The following VTI1A variants were observed in gnomAD, a reference collection of about 807,000 sequenced individuals.
The protein encoded by VTI1A is vesicle transport through interaction with t-SNAREs 1A.
A neutral mutation model predicts 34.9 loss-of-function variants in VTI1A; 22 were observed. The observed-to-expected ratio is 0.63, with a 90% CI of 0.45 to 0.90. VTI1A has a LOEUF of 0.90. Ranked by LOEUF, VTI1A falls within the 40% of genes least tolerant of loss-of-function variation. The probability of loss-of-function intolerance (pLI) is 0.00; values close to 1 mark genes in which losing one functional copy is unlikely to be tolerated. For synonymous variants in VTI1A, 87 were observed against 97.3 expected, an observed-to-expected ratio of 0.89 and a Z score of 0.62; for missense variants, 268 against 275.6, an observed-to-expected ratio of 0.97 and a Z score of 0.20.
At chr10:112,580,059 G>A (rs951595983) in intron 5 of VTI1A, among the ~76,000 whole-genome samples, 5 of 152,018 alleles carry the variant, frequency 3.3e-5, no homozygotes, top group Middle Eastern at 3.4e-3. Flanking sequence ...TTTTTCTTAC[G>A]TTCAGGCTAG....
chr10:112,526,135 G>C (rs910701168), intron 3 of VTI1A, among the ~76,000 whole-genome samples: 23 of 152,194 alleles, frequency 1.5e-4, no homozygotes, highest in African/African-American at 5.3e-4. Context: ...GTCTGAAATA[G>C]TGACGCTGAA....
chr10:112,661,321 G>A (rs944424144), intron 5 of VTI1A, among the ~76,000 whole-genome samples: 1 of 152,072 alleles, frequency 6.6e-6, no homozygotes, highest in African/African-American at 2.4e-5. Flanking sequence ...TTGCCATGTT[G>A]GCCAGGCTGA....
chr10:112,496,280 G>A (rs1849024069), intron 3 of VTI1A, among the ~76,000 whole-genome samples: 1 of 142,550 alleles, frequency 7.0e-6, no homozygotes, highest in Admixed American at 7.4e-5. Context: ...ATTTACATAT[G>A]AAGGTTGGGC....
chr10:112,747,683 C>A (rs538461176), intron 7 of VTI1A, among the ~76,000 whole-genome samples: 1 of 152,286 alleles, frequency 6.6e-6, no homozygotes, highest in African/African-American at 2.4e-5. Context: ...AGGCTTGATA[C>A]ATGCTTGATT....
In VTI1A at chr10:112,552,681, C is replaced by T. The variant is rs114014683; in HGVS notation, c.427+14351C>T. Among the ~76,000 whole-genome samples, 251 of 151,902 alleles carry T rather than the reference C, an allele frequency of 1.7e-3. 1 individual carries two copies. The highest frequency in any genetic ancestry group is 5.9e-3 in the African/African-American group (244 of 41,468). ...CAAGTATCTTATTGCCTCACTGATA[C>T]TGCCTGCCAGCTGTGAATTTTCTTA... On this transcript the variant is annotated intron_variant, in intron 5 of 7. Transcript: ENST00000393077.
At chr10:112,721,631 C>T (rs1345623106) in intron 7 of VTI1A, among the ~76,000 whole-genome samples, 1 of 152,160 alleles carries the variant, frequency 6.6e-6, no homozygotes, top group Non-Finnish European at 1.5e-5. Flanking sequence ...TCTCTTGGCT[C>T]CCATGTAGTC....
chr10:112,486,512 C>T (rs1848632035), intron 3 of VTI1A, among the ~76,000 whole-genome samples: 1 of 152,104 alleles, frequency 6.6e-6, no homozygotes, highest in East Asian at 1.9e-4. Context: ...TGTTTACTTG[C>T]TCTGTTTCTA....
At chr10:112,527,386 ATCTTT>A in intron 4 of VTI1A, 1 of 379,346 alleles carries the variant, frequency 2.6e-6, no homozygotes, top group South Asian at 7.1e-5. Context: ...TTTTAAAAAA[ATCTTT>A]TCTTCTCTTT....
chr10:112,670,935 A>G (rs901461462), intron 7 of VTI1A, among the ~76,000 whole-genome samples: 1 of 152,236 alleles, frequency 6.6e-6, no homozygotes, highest in Non-Finnish European at 1.5e-5. Context: ...GGATCTTGGT[A>G]TCAGCCAGGA....
intron 7 of VTI1A, among the ~76,000 whole-genome samples, chr10:112,731,189 A>G (rs1284859390): frequency 6.6e-6 from 1 of 152,172 alleles, no homozygotes; most frequent in African/African-American, 2.4e-5. Context: ...GGGAGATAAC[A>G]TGAAGTTAGC....
At chr10:112,493,939 C>G (rs1027711464) in intron 3 of VTI1A, among the ~76,000 whole-genome samples, 1 of 152,102 alleles carries the variant, frequency 6.6e-6, no homozygotes, top group Non-Finnish European at 1.5e-5. Flanking sequence ...GTATCTTTAT[C>G]TGACATTTGC....
chr10:112,754,464 G>A (rs1851212944), intron 7 of VTI1A, among the ~76,000 whole-genome samples: 1 of 152,184 alleles, frequency 6.6e-6, no homozygotes, highest in Non-Finnish European at 1.5e-5. Flanking sequence ...AAAAGTAAAA[G>A]TTCATTGTAG....
chr10:112,853,729 TA>T, the VTI1A span, among the ~76,000 whole-genome samples: 2 of 152,116 alleles, frequency 1.3e-5, no homozygotes, highest in South Asian at 2.1e-4. Flanking sequence ...TCTTTAAAAA[TA>T]AAAACAAAAC....
chr10:112,809,057 T>C (rs540460273), intron 7 of VTI1A, among the ~76,000 whole-genome samples: 17 of 152,314 alleles, frequency 1.1e-4, no homozygotes, highest in Admixed American at 5.2e-4. Flanking sequence ...CTGGGCCATA[T>C]GTCCATCTGT....
intron 7 of VTI1A, among the ~76,000 whole-genome samples, chr10:112,747,500 T>G: frequency 6.6e-6 from 1 of 152,206 alleles, no homozygotes; most frequent in East Asian, 1.9e-4. Flanking sequence ...TATATAAACA[T>G]AGAAAAGTTA....
chr10:112,626,683 T>C (rs1247950227), intron 5 of VTI1A, among the ~76,000 whole-genome samples: 1 of 152,060 alleles, frequency 6.6e-6, no homozygotes, highest in East Asian at 1.9e-4. Flanking sequence ...TGAAGGACCA[T>C]ATGTGTTGGT....
intron 1 of VTI1A, chr10:112,448,857 C>T (rs1046369382): frequency 6.6e-6 from 1 of 152,116 alleles, no homozygotes; most frequent in African/African-American, 2.4e-5. Flanking sequence ...TGTTTTTCTT[C>T]CCCTCACCTA....
At chr10:112,809,656 C>A (rs1294274778) in intron 7 of VTI1A, among the ~76,000 whole-genome samples, 2 of 152,238 alleles carry the variant, frequency 1.3e-5, no homozygotes, top group African/African-American at 4.8e-5. Context: ...TACAAGCAGT[C>A]CTTAGAAACC....
intron 7 of VTI1A, among the ~76,000 whole-genome samples, chr10:112,688,691 TTTTG>T (rs1468236021): frequency 1.3e-5 from 2 of 151,298 alleles, no homozygotes; most frequent in African/African-American, 4.9e-5. Flanking sequence ...CCAGCTTATT[TTTTG>T]TTTGTTTGTT....
Sources: allele counts gnomAD v4.1 joint callset (sites outside exome capture counted in the v4.1 genomes callset), GRCh38; gene constraint gnomAD v4.1.1; transcripts MANE v1.5; gene names NCBI Gene and HGNC (gene_info 2026-07-23, HGNC 2026-07-21).